The following REXO1 variants were observed in gnomAD, a reference collection of about 807,000 sequenced individuals.
The protein encoded by REXO1 is RNA exonuclease 1 homolog, also known as REX1, RNA exonuclease 1 homolog.
In REXO1, 42 loss-of-function variants were observed where a neutral mutation model predicts 102.6. The observed-to-expected ratio is 0.41, with a 90% confidence interval of 0.32 to 0.53. The LOEUF (loss-of-function observed/expected upper bound fraction) is 0.53, where lower values mean the gene tolerates loss of function less well. Ranked by LOEUF, REXO1 falls within the 20% of genes least tolerant of loss-of-function variation. The pLI is 0.27. For missense variants in REXO1, 1,819 were observed against 1,732.5 expected (o/e 1.05, Z -0.89); for synonymous variants, 908 against 779.1 (o/e 1.17, Z -2.76).
chr19:1,819,248 G>A, intron 7 of REXO1, 117 bp from the exon 8 acceptor site: 1 of 732,256 alleles, frequency 1.4e-6, no homozygotes, highest in South Asian at 2.0e-5. Context: ...CCCCCTTTCT[G>A]GGACAGCACC....
rs2069735224 is a variant in REXO1, at chr19:1,826,733, T to C, written c.1911+145A>G. ...CGGGTGCTCCTGAGCTCCTGAGATT[T>C]CAACGGGCTCAGGGACCAGCACTGA... On this transcript the variant is annotated intron_variant, in intron 2 of 15. Coordinates refer to ENST00000170168, the MANE Select transcript of REXO1 (RefSeq NM_020695.4). The surrounding 1 kb of genome is among the most constrained non-coding windows in gnomAD (Gnocchi z 4.3). 8.7e-6 allele frequency: 12 copies of C among 1,373,434 alleles called. No homozygotes were observed. Among genetic ancestry groups the C allele is most frequent in the Non-Finnish European group, 1.1e-5 (12 of 1,044,708 alleles). The allele number at this position is 1,373,434 out of a possible 1,614,324, so 85.1% of individuals were successfully genotyped here.
At chr19:1,839,572 G>A (rs1180816604) in intron 1 of REXO1, among the ~76,000 whole-genome samples, 1 of 152,268 alleles carries the variant, frequency 6.6e-6, no homozygotes, top group African/African-American at 2.4e-5. Context: ...GGTGACCTGT[G>A]TGCAGATGCT....
rs544844051 is a variant in REXO1 at position 1,827,572 on chromosome 19, C to T, written c.1217G>A (p.Arg406Gln). ...GTCCGCACGGGGCTTCTCCACAGGC[C>T]GCCCTCGGCCCTTGTCCTTGGTCTT... is the stretch of plus-strand genomic sequence containing the variant. ...KDKTKDKGRG[R>Q]PVEKPRADKK... Residue 406 changes from arginine (R) to glutamine (Q), a missense_variant, in exon 2 of 16, where the codon CGG becomes CAG. Transcript: ENST00000170168. 99 of 1,594,614 alleles carry T rather than the reference C, an allele frequency of 6.2e-5. 2 individuals are homozygous for T. In the South Asian group the frequency reaches 7.7e-4, roughly 12 times the overall value.
chr19:1,844,761 C>T (rs78347423), intron 1 of REXO1, among the ~76,000 whole-genome samples: 1,832 of 152,350 alleles, frequency 0.012, 38 homozygotes, highest in African/African-American at 0.042. Flanking sequence ...ACACGTCTGC[C>T]GCTCACTTTG....
intron 7 of REXO1, 48 bp downstream of exon 7, chr19:1,819,886 A>ACC: frequency 1.3e-6 from 2 of 1,506,250 alleles, no homozygotes; most frequent in Non-Finnish European, 1.8e-6. Context: ...CCCAGCTGCC[A>ACC]CCCCAAGAGC....
Position 1,831,295 on chromosome 19 carries a change from G to A in REXO1, c.158-2664C>T, listed in dbSNP as rs188881763. On this transcript the variant is annotated intron_variant, in intron 1 of 15. Transcript: ENST00000170168. The stretch of plus-strand genomic sequence containing the variant: ...GGCTCTGACTTGATTCTGACTGAAC[G>A]TGCAGCTTGTCTGAAGGTCGGGCCT... 1.3e-4 allele frequency among the ~76,000 whole-genome samples: 20 copies of A among 152,352 alleles called. No individual in the cohort carries two copies. The East Asian group carries it at 2.7e-3, about 21-fold the overall frequency.
At chr19:1,816,199 G>T in intron 15 of REXO1, 26 bp downstream of exon 15, 2 of 1,571,314 alleles carry the variant, frequency 1.3e-6, no homozygotes, top group African/African-American at 2.7e-5. Context: ...CGCAGGGACG[G>T]CCCCAGGGCA....
intron 1 of REXO1, among the ~76,000 whole-genome samples, chr19:1,829,265 C>CA (rs1252351095): frequency 6.6e-6 from 1 of 151,578 alleles, no homozygotes; most frequent in East Asian, 1.9e-4. Context: ...TTTTTTGAGA[C>CA]AGTCTCTCTG....
Position 1,828,571 on chromosome 19 carries a change from C to T in REXO1, c.218G>A (p.Gly73Asp). The change falls in exon 2 of 16, where the codon GGC becomes GAC. Residue 73 changes from glycine (G) to aspartate (D), a missense_variant. Physicochemically the swap from Gly to Asp is moderately conservative, Grantham distance 94. Coordinates refer to ENST00000170168, the MANE Select transcript of REXO1 (RefSeq NM_020695.4). ...LPKPPAQREN[G>D]TLGLGEEPRP... ...CGGCTCCTCCCCCAGGCCCAGGGTG[C>T]CATTCTCCCTCTGCGCGGGGGGCTT... The T allele has an allele frequency of 6.2e-7, 1 of 1,604,068 alleles. No individual in the cohort carries two copies.
chr19:1,825,160 T>A, intron 3 of REXO1, among the ~76,000 whole-genome samples: 1 of 149,140 alleles, frequency 6.7e-6, no homozygotes. Flanking sequence ...ATTAGCCTGG[T>A]GTGGTGGTGG....
intron 3 of REXO1, among the ~76,000 whole-genome samples, chr19:1,824,959 G>T (rs1302186349): frequency 1.3e-5 from 2 of 150,914 alleles, no homozygotes; most frequent in East Asian, 4.0e-4. Context: ...CTAATATTTT[G>T]TATCTTTAGT....
intron 8 of REXO1, 60 bp downstream of exon 8, chr19:1,818,958 G>A (rs1045050978): frequency 1.3e-6 from 2 of 1,570,908 alleles, no homozygotes; most frequent in Non-Finnish European, 1.7e-6. Context: ...TGGCACAGCA[G>A]GGGCTGGGCC....
chr19:1,841,584 C>G (rs986787880), intron 1 of REXO1, among the ~76,000 whole-genome samples: 1 of 152,222 alleles, frequency 6.6e-6, no homozygotes, highest in African/African-American at 2.4e-5. Context: ...CTAGCGAGCT[C>G]TGCCCCACAG....
rs1448245088 is a variant in REXO1, at chr19:1,827,005, G to A, written c.1784C>T (p.Ala595Val). Reference protein sequence around the residue: ...SSSSSTSSAGADVDYSALEKE... With the variant: ...SSSSSTSSAGVDVDYSALEKE... ...CTCCAGGGCCGAGTAGTCCACATCC[G>A]CCCCCGCGCTGGAGGTGGAGGAGGA... The change falls in exon 2 of 16, where the codon GCG becomes GTG. Residue 595 changes from alanine to valine, a missense_variant. Physicochemically the swap from Ala to Val is moderately conservative, Grantham distance 64. Transcript: ENST00000170168. 25 of 1,355,078 alleles carry A rather than the reference G, an allele frequency of 1.8e-5. No homozygotes were observed. The highest frequency in any genetic ancestry group is 1.2e-4 in the East Asian group (3 of 24,148). 83.9% of individuals were successfully genotyped at this position (1,355,078 alleles called of 1,614,324 possible). A position where few individuals can be genotyped will look rare whatever the true frequency, so the allele number is the denominator to read the frequency against.
chr19:1,847,013 G>A (rs906390881), intron 1 of REXO1, among the ~76,000 whole-genome samples: 16 of 152,150 alleles, frequency 1.1e-4, no homozygotes, highest in African/African-American at 3.6e-4. Flanking sequence ...GTGCTCCCAG[G>A]ACATCACGAC....
At chr19:1,842,647 A>C (rs1284188822) in intron 1 of REXO1, among the ~76,000 whole-genome samples, 1 of 152,164 alleles carries the variant, frequency 6.6e-6, no homozygotes, top group Non-Finnish European at 1.5e-5. Flanking sequence ...AAGCCCCCCC[A>C]AAAAAACAGA....
chr19:1,816,544 G>C lies in REXO1; in HGVS notation c.3343C>G (p.Leu1115Val). Residue 1115 changes from leucine (L) to valine (V), a missense_variant, in exon 14 of 16, where the codon CTT becomes GTT. Transcript: ENST00000170168. ...TRFSGVTEAD[L>V]ADTSVTLRDV... The stretch of plus-strand genomic sequence containing the variant: ...CGCAGCGTGACACTTGTGTCGGCAA[G>C]GTCAGCCTCCGTCACCCCCGAAAAC... 1 of 1,611,222 alleles carries C rather than the reference G, an allele frequency of 6.2e-7. No homozygotes were observed. The highest frequency in any genetic ancestry group is 8.5e-7 in the Non-Finnish European group (1 of 1,178,912).
At position 1,845,642 on chromosome 19, in the gene REXO1, T is replaced by G. The variant is rs1320819238; in HGVS notation, c.157+2560A>C. On this transcript the variant is annotated intron_variant, in intron 1 of 15. Coordinates refer to ENST00000170168, the MANE Select transcript of REXO1 (RefSeq NM_020695.4). ...TCGCACCACTGCACTCCAGCCTGGG[T>G]GATAAAGTGAGACCCTGTCTCAAAA... 2.0e-5 allele frequency among the ~76,000 whole-genome samples: 3 copies of G among 152,078 alleles called. No homozygotes were observed. In the East Asian group the frequency reaches 5.8e-4, roughly 29 times the overall value.
intron 1 of REXO1, among the ~76,000 whole-genome samples, chr19:1,841,979 G>A (rs1215127160): frequency 3.3e-5 from 5 of 152,166 alleles, no homozygotes; most frequent in African/African-American, 1.2e-4. Context: ...GGGAGGCTGA[G>A]GCGGGTGGAT....
Sources: allele counts gnomAD v4.1 joint callset (sites outside exome capture counted in the v4.1 genomes callset), GRCh38; gene constraint gnomAD v4.1.1; non-coding constraint Gnocchi (gnomAD v3.1); transcripts MANE v1.5; gene names NCBI Gene and HGNC (gene_info 2026-07-23, HGNC 2026-07-21).